Variants in CACNG3 observed in about 807,000 individuals in gnomAD.
CACNG3 encodes the protein voltage-dependent calcium channel gamma-3 subunit.
In CACNG3, 3 loss-of-function variants were observed where a neutral mutation model predicts 28.5. The observed-to-expected ratio is 0.11, with a 90% confidence interval of 0.05 to 0.27. The LOEUF (loss-of-function observed/expected upper bound fraction) is 0.27. Among genes scored for constraint, CACNG3 ranks in the 10% least tolerant of loss-of-function variants. The pLI is 1.00. For synonymous variants in CACNG3, 174 were observed against 162.2 expected, an observed-to-expected ratio of 1.07 and a Z score of -0.55; for missense variants, 236 against 414.4, an observed-to-expected ratio of 0.57 and a Z score of 3.74.
chr16:24,317,661 AAAG>A (rs1567217692), intron 1 of CACNG3, among the ~76,000 whole-genome samples: 1 of 90,488 alleles, frequency 1.1e-5, no homozygotes, highest in East Asian at 3.3e-4. Flanking sequence ...AGAAAGAAAG[AAAG>A]AAAGAAAGAA....
intron 1 of CACNG3, among the ~76,000 whole-genome samples, chr16:24,262,466 A>G (rs1193434050): frequency 6.6e-6 from 1 of 152,220 alleles, no homozygotes; most frequent in South Asian, 2.1e-4. Context: ...ATGTTAAAAT[A>G]CTTTCCTATG....
At chr16:24,335,086 G>A (rs1450336779) in intron 1 of CACNG3, among the ~76,000 whole-genome samples, 1 of 152,162 alleles carries the variant, frequency 6.6e-6, no homozygotes. Flanking sequence ...TCTAGGGTTA[G>A]ACAGACCTTG....
chr16:24,312,922 A>AG (rs1279048589), intron 1 of CACNG3, among the ~76,000 whole-genome samples: 13 of 41,546 alleles, frequency 3.1e-4, no homozygotes, highest in African/African-American at 6.3e-4. Flanking sequence ...GAAGGAAGGA[A>AG]GAAAGAAAGA....
chr16:24,319,636 TAG>T (rs1899430934), intron 1 of CACNG3, among the ~76,000 whole-genome samples: 1 of 152,126 alleles, frequency 6.6e-6, no homozygotes, highest in Non-Finnish European at 1.5e-5. Flanking sequence ...TTTATTTTCA[TAG>T]AGATAGAGTC....
rs1344993210 is a variant in CACNG3, at chr16:24,298,884, T to TGAAG, written c.211+41922_211+41925dup. Among the ~76,000 whole-genome samples the TGAAG allele has an allele frequency of 1.3e-4, 20 of 152,318 alleles. No homozygotes were observed. In the East Asian group the frequency reaches 3.5e-3, roughly 26 times the overall value. On this transcript the variant is annotated intron_variant, in intron 1 of 3. Coordinates refer to ENST00000005284, the MANE Select transcript of CACNG3 (RefSeq NM_006539.4). ...TTGGGCTGTTTTGCTCATGATTACATGAAGGATCATGGGTTTGGGGGAAGA... is the reference window on the plus strand; with the variant it reads ...TTGGGCTGTTTTGCTCATGATTACATGAAGGAAGGATCATGGGTTTGGGGGAAGA...
chr16:24,290,967 C>G (rs1294335470), intron 1 of CACNG3, among the ~76,000 whole-genome samples: 2 of 152,154 alleles, frequency 1.3e-5, no homozygotes, highest in East Asian at 3.9e-4. Flanking sequence ...TGGCAAACTC[C>G]CCAAAGCAAT....
intron 1 of CACNG3, among the ~76,000 whole-genome samples, chr16:24,295,013 T>C (rs568845274): frequency 1.3e-5 from 2 of 152,326 alleles, no homozygotes; most frequent in Non-Finnish European, 2.9e-5. Flanking sequence ...TGCCCTCACA[T>C]GCATGTTGGG....
At chr16:24,312,472 AT>A (rs1899277222) in intron 1 of CACNG3, among the ~76,000 whole-genome samples, 1 of 152,088 alleles carries the variant, frequency 6.6e-6, no homozygotes, top group Non-Finnish European at 1.5e-5. Flanking sequence ...GTAAAAAAAA[AT>A]GGGTGATAAT....
chr16:24,267,413 G>T (rs981378713), intron 1 of CACNG3, among the ~76,000 whole-genome samples: 14 of 152,156 alleles, frequency 9.2e-5, no homozygotes, highest in African/African-American at 3.4e-4. Flanking sequence ...ACAGTCCCAT[G>T]AGTAGCTGCG....
chr16:24,332,176 TC>T (rs1481604304), intron 1 of CACNG3, among the ~76,000 whole-genome samples: 1 of 152,146 alleles, frequency 6.6e-6, no homozygotes, highest in African/African-American at 2.4e-5. Context: ...AAAGAATGAA[TC>T]AGGGACCGGG....
chr16:24,294,042 T>G (rs1443029517), intron 1 of CACNG3, among the ~76,000 whole-genome samples: 1 of 152,226 alleles, frequency 6.6e-6, no homozygotes, highest in East Asian at 1.9e-4. Context: ...GAAATTGCTC[T>G]CACCTTATCT....
intron 2 of CACNG3, among the ~76,000 whole-genome samples, chr16:24,347,769 G>C (rs1899889268): frequency 6.6e-6 from 1 of 152,206 alleles, no homozygotes. Flanking sequence ...GTGGCTTTGA[G>C]CCAAGGCCTC....
chr16:24,290,348 C>T lies in CACNG3; in HGVS notation c.211+33383C>T, dbSNP rs186768618. 1.0e-3 allele frequency among the ~76,000 whole-genome samples: 156 copies of T among 152,320 alleles called. 1 individual carries two copies. Among genetic ancestry groups the T allele is most frequent in the Non-Finnish European group, 1.6e-3 (112 of 68,030 alleles). On this transcript the variant is annotated intron_variant, in intron 1 of 3. Coordinates refer to ENST00000005284, the MANE Select transcript of CACNG3 (RefSeq NM_006539.4). ...TGAACATGCATATCATAAAGAACTA[C>T]ATTCCTGATAAGGGTAGTTCATAAG...
At chr16:24,327,804 T>C (rs1205286160) in intron 1 of CACNG3, among the ~76,000 whole-genome samples, 3 of 151,618 alleles carry the variant, frequency 2.0e-5, no homozygotes, top group East Asian at 2.0e-4. Flanking sequence ...TAATGGAGCA[T>C]AGTGGTGAGC....
chr16:24,325,544 A>G (rs1376014721), intron 1 of CACNG3, among the ~76,000 whole-genome samples: 4 of 152,126 alleles, frequency 2.6e-5, no homozygotes, highest in African/African-American at 9.7e-5. Flanking sequence ...AGCCCCGCCA[A>G]CCCCAGCGAG....
chr16:24,284,789 T>A (rs986347915), intron 1 of CACNG3, among the ~76,000 whole-genome samples: 6 of 152,182 alleles, frequency 3.9e-5, no homozygotes, highest in Non-Finnish European at 8.8e-5. Context: ...GAGGTCCTTT[T>A]GGCATCCTAA....
intron 1 of CACNG3, among the ~76,000 whole-genome samples, chr16:24,293,386 A>C (rs1370979524): frequency 6.6e-6 from 1 of 151,988 alleles, no homozygotes; most frequent in Non-Finnish European, 1.5e-5. Context: ...CCTCTACTTG[A>C]CAGCCAATGA....
intron 1 of CACNG3, among the ~76,000 whole-genome samples, chr16:24,287,936 G>A (rs1436441392): frequency 6.6e-6 from 1 of 152,074 alleles, no homozygotes; most frequent in African/African-American, 2.4e-5. Flanking sequence ...TAGTGAACCC[G>A]AGTCTTTCCA....
chr16:24,307,100 C>A lies in CACNG3; in HGVS notation c.212-39634C>A, dbSNP rs576891447. Among the ~76,000 whole-genome samples the A allele has an allele frequency of 3.7e-4, 56 of 152,246 alleles. No homozygotes were observed. In the Middle Eastern group the frequency reaches 0.01, roughly 28 times the overall value. On this transcript the variant is annotated intron_variant, in intron 1 of 3. Coordinates refer to ENST00000005284, the MANE Select transcript of CACNG3 (RefSeq NM_006539.4). ...GAGGTTCATCTAGCTTGCCTTCTTT[C>A]TGGACATCTCCAAATGCCATCTTTG... is the stretch of plus-strand genomic sequence containing the variant.
Sources: allele counts gnomAD v4.1 joint callset (sites outside exome capture counted in the v4.1 genomes callset), GRCh38; gene constraint gnomAD v4.1.1; transcripts MANE v1.5; gene names NCBI Gene and HGNC (gene_info 2026-07-23, HGNC 2026-07-21).